Variants in PHIP observed in about 807,000 individuals in gnomAD.
The protein encoded by PHIP is PHIP subunit of CUL4-Ring ligase complex.
Under a neutral mutation model 236.8 loss-of-function variants are expected in PHIP, and 54 were observed. The ratio of observed to expected loss-of-function variants is 0.23; its 90% CI spans 0.18 to 0.29. The LOEUF (loss-of-function observed/expected upper bound fraction) is 0.29. Ranked by LOEUF, PHIP falls within the 10% of genes least tolerant of loss-of-function variation. The pLI is 1.00. For missense variants in PHIP, 1,370 were observed against 2,190.8 expected, an observed-to-expected ratio of 0.63 and a Z score of 7.48; for synonymous variants, 756 against 718.9, an observed-to-expected ratio of 1.05 and a Z score of -0.83.
At chr6:78,959,365 G>A (rs982491294) in intron 31 of PHIP, among the ~76,000 whole-genome samples, 1 of 152,044 alleles carries the variant, frequency 6.6e-6, no homozygotes, top group Non-Finnish European at 1.5e-5. Flanking sequence ...GAAAAACTGT[G>A]CATTTCAAAT....
chr6:78,969,513 T>C (rs548195252), intron 27 of PHIP, among the ~76,000 whole-genome samples: 10 of 152,220 alleles, frequency 6.6e-5, no homozygotes, highest in South Asian at 4.1e-4. Context: ...TACAAACTTA[T>C]ACATCTTGTT....
chr6:78,979,027 T>G (rs980545774), intron 23 of PHIP, among the ~76,000 whole-genome samples: 8 of 152,240 alleles, frequency 5.3e-5, no homozygotes, highest in Non-Finnish European at 7.4e-5. Context: ...ATAAATAATC[T>G]AGAAATGACT....
chr6:78,952,933 A>G (rs1766145062), intron 35 of PHIP, among the ~76,000 whole-genome samples: 1 of 151,838 alleles, frequency 6.6e-6, no homozygotes, highest in African/African-American at 2.4e-5. Context: ...AATGAAGTAC[A>G]GTACTTCAGA....
chr6:78,956,283 C>T (rs1316579213), intron 32 of PHIP: 1 of 152,096 alleles, frequency 6.6e-6, no homozygotes, highest in East Asian at 1.9e-4. Flanking sequence ...TCCCTTTCCT[C>T]CTCCTTATAA....
At chr6:79,068,055 G>T in intron 4 of PHIP, 1 of 157,184 alleles carries the variant, frequency 6.4e-6, no homozygotes. Context: ...TTGTTAAAAG[G>T]CAAGTGTTAT....
Position 78,946,192 on chromosome 6 carries a change from G to T in PHIP, c.4439C>A (p.Thr1480Lys). 6.2e-7 allele frequency: 1 copy of T among 1,613,242 alleles called. No homozygotes were observed. Among genetic ancestry groups the T allele is most frequent in the Non-Finnish European group, 8.5e-7 (1 of 1,179,182 alleles). ...KSESSTSAFS[T>K]PTRSIPPRHN... ...TCTTGGCGGTATTGATCGTGTAGGT[G>T]TAGAGAATGCAGAGGTAGAGCTTTC... Residue 1480 changes from threonine (T) to lysine (K), a missense_variant, in exon 38 of 40, where the codon ACA (threonine) becomes AAA (lysine). By Grantham distance (78) the Thr-to-Lys change is moderately conservative. Coordinates refer to ENST00000275034, the MANE Select transcript of PHIP (RefSeq NM_017934.7).
At chr6:78,977,663 T>A (rs1201822059) in intron 24 of PHIP, among the ~76,000 whole-genome samples, 4 of 152,124 alleles carry the variant, frequency 2.6e-5, no homozygotes, top group Non-Finnish European at 5.9e-5. Flanking sequence ...ATTACAAACT[T>A]TTCTGGCCAT....
At position 78,990,884 on chromosome 6, in the gene PHIP, A is replaced by T; in HGVS notation, c.2303T>A (p.Ile768Lys). Residue 768 changes from isoleucine (I) to lysine (K), a missense_variant, in exon 20 of 40, where the codon ATA becomes AAA. Physicochemically the swap from Ile to Lys is moderately radical, Grantham distance 102 (BLOSUM62 -3). Transcript: ENST00000275034. ...KHLTVPKENK[I>K]PTVSKNHAHE... ...AATATGTACCTTTGAGACAGTGGGT[A>T]TTTTATTCTCTTTTGGAACAGTTAA... is the stretch of plus-strand genomic sequence containing the variant. The T allele has an allele frequency of 6.3e-7, 1 of 1,575,478 alleles. No homozygotes were observed. The highest frequency in any genetic ancestry group is 2.2e-5 in the East Asian group (1 of 44,478).
chr6:79,011,965 T>C (rs932734415), intron 15 of PHIP, among the ~76,000 whole-genome samples: 1 of 151,478 alleles, frequency 6.6e-6, no homozygotes, highest in African/African-American at 2.4e-5. Flanking sequence ...TTTTATAATC[T>C]TATATTTAAA....
intron 15 of PHIP, among the ~76,000 whole-genome samples, chr6:79,005,818 G>A (rs1394355457): frequency 6.6e-6 from 1 of 151,932 alleles, no homozygotes; most frequent in Non-Finnish European, 1.5e-5. Flanking sequence ...CTTTTTGGGG[G>A]TGAGGGTTGC....
intron 31 of PHIP, 124 bp downstream of exon 31, chr6:78,961,566 T>C: frequency 1.2e-6 from 1 of 851,410 alleles, no homozygotes; most frequent in Non-Finnish European, 1.8e-6. Flanking sequence ...CATTTTAACA[T>C]AATCCCCATA....
Position 78,970,168 on chromosome 6 carries a change from T to C in PHIP, c.3003A>G (p.Gln1001=). 1.2e-6 allele frequency: 2 copies of C among 1,611,252 alleles called. No homozygotes were observed. The highest frequency in any genetic ancestry group is 1.7e-6 in the Non-Finnish European group (2 of 1,177,926). Residue 1001 remains glutamine, a synonymous_variant, in exon 26 of 40, where the codon CAA becomes CAG. Transcript: ENST00000275034. ...QPWHKMELRE[Q]ELMKIVGIKY... Reference sequence around the variant, plus strand: ...TTATGCCAACTATTTTCATAAGTTCTTGTTCCTGAGAGAGACAGAGAATAT... The same window carrying C: ...TTATGCCAACTATTTTCATAAGTTCCTGTTCCTGAGAGAGACAGAGAATAT...
chr6:79,076,463 T>C (rs1279722251), intron 4 of PHIP, among the ~76,000 whole-genome samples: 1 of 152,182 alleles, frequency 6.6e-6, no homozygotes, highest in Non-Finnish European at 1.5e-5. Flanking sequence ...CCTGTATCAG[T>C]TTAGGAGAAA....
intron 16 of PHIP, among the ~76,000 whole-genome samples, chr6:79,003,503 T>C (rs566073063): frequency 2.0e-5 from 3 of 152,148 alleles, no homozygotes; most frequent in East Asian, 1.9e-4. Context: ...GAGTTATTTT[T>C]TTCCTGAAAT....
chr6:79,060,318 A>G (rs1422798928), intron 6 of PHIP, among the ~76,000 whole-genome samples, 160 bp downstream of exon 6: 1 of 152,192 alleles, frequency 6.6e-6, no homozygotes, highest in Admixed American at 6.5e-5. Flanking sequence ...CTTTTTCACT[A>G]TTAAAACTAC....
intron 16 of PHIP, 26 bp downstream of exon 16, chr6:79,003,704 C>A (rs755318244): frequency 6.6e-7 from 1 of 1,521,866 alleles, no homozygotes; most frequent in South Asian, 1.3e-5. Flanking sequence ...AAAATAAGGA[C>A]ATGATATATA....
chr6:79,008,978 A>G (rs910814563), intron 15 of PHIP, among the ~76,000 whole-genome samples: 3 of 152,040 alleles, frequency 2.0e-5, no homozygotes, highest in Admixed American at 6.6e-5. Flanking sequence ...GTCACAAAAC[A>G]CCAAGTCATT....
chr6:78,961,290 A>G (rs775291145), intron 31 of PHIP, among the ~76,000 whole-genome samples: 2 of 151,906 alleles, frequency 1.3e-5, no homozygotes, highest in Non-Finnish European at 2.9e-5. Flanking sequence ...TAATACGAAT[A>G]CAAAATTTTT....
chr6:78,945,259 A>G, intron 39 of PHIP, 41 bp downstream of exon 39: 1 of 1,358,590 alleles, frequency 7.4e-7, no homozygotes, highest in African/African-American at 1.4e-5. Context: ...TATTTATAAT[A>G]AGGATCTACT....
Sources: allele counts gnomAD v4.1 joint callset (sites outside exome capture counted in the v4.1 genomes callset), GRCh38; gene constraint gnomAD v4.1.1; transcripts MANE v1.5; gene names NCBI Gene and HGNC (gene_info 2026-07-23, HGNC 2026-07-21).